PRKCG: variants seen among roughly 807,000 people sequenced by gnomAD.
The protein encoded by PRKCG is protein kinase C gamma, also known as protein kinase C gamma type.
PRKCG carries 28 observed loss-of-function variants against 82.0 expected under a neutral mutation model. That is an observed-to-expected ratio of 0.34 (90% confidence interval 0.25 to 0.47). The LOEUF is 0.47. Among genes scored for constraint, PRKCG ranks in the 20% least tolerant of loss-of-function variants. PRKCG has a pLI of 1.00. For synonymous variants in PRKCG, 383 were observed against 376.6 expected, an observed-to-expected ratio of 1.02 and a Z score of -0.20; for missense variants, 640 against 952.7, an observed-to-expected ratio of 0.67 and a Z score of 4.32.
rs564893244 is a variant in PRKCG at position 53,892,010 on chromosome 19, C to T, written c.686+180C>T. On this transcript the variant is annotated intron_variant, in intron 6 of 17. Transcript: ENST00000263431. The surrounding 1 kb of genome is among the most constrained non-coding windows in gnomAD (Gnocchi z 5.9). ...AGGGAGTGGGATGGAGATACAGAAA[C>T]GGAGAGACAGCCAGACCACTGTATA... Among the ~76,000 whole-genome samples, 6 of 152,174 alleles carry T rather than the reference C, an allele frequency of 3.9e-5. No individual in the cohort carries two copies. The highest frequency in any genetic ancestry group is 1.9e-4 in the East Asian group (1 of 5,166).
upstream of PRKCG, among the ~76,000 whole-genome samples, chr19:53,882,013 G>T (rs1385326854): frequency 6.6e-6 from 1 of 152,148 alleles, no homozygotes; most frequent in East Asian, 1.9e-4. This position sits in a 1 kb window ranked among gnomAD's most constrained non-coding sequence, Gnocchi z 6.1. Flanking sequence ...ATTGCAGGGT[G>T]GTGGGGGGGA....
Position 53,884,183 on chromosome 19 carries a change from A to G in PRKCG, c.225A>G (p.Arg75=). The G allele has an allele frequency of 6.2e-7, 1 of 1,614,072 alleles. No individual in the cohort carries two copies. Among genetic ancestry groups the G allele is most frequent in the Middle Eastern group, 1.7e-4 (1 of 6,050 alleles). The change falls in exon 3 of 18, where the codon CGA becomes CGG. Residue 75 remains arginine (R), a synonymous_variant. Coordinates refer to ENST00000263431, the MANE Select transcript of PRKCG (RefSeq NM_002739.5). This position sits in a 1 kb window ranked among gnomAD's most constrained non-coding sequence, Gnocchi z 4.6. ...QCQVCSFVVH[R]RCHEFVTFEC... ...TAGTCTGCAGCTTTGTGGTTCATCG[A>G]CGATGCCACGAATTTGTGACCTTCG...
At chr19:53,894,032 C>T (rs2068699536) in intron 9 of PRKCG, among the ~76,000 whole-genome samples, 1 of 151,900 alleles carries the variant, frequency 6.6e-6, no homozygotes, top group Admixed American at 6.6e-5. Context: ...GCTGGGATTA[C>T]AGGCATGAGC....
chr19:53,904,594 T>C lies in PRKCG; in HGVS notation c.1657-41T>C, dbSNP rs771162156. On this transcript the variant is annotated intron_variant, in intron 15 of 17. Coordinates refer to ENST00000263431, the MANE Select transcript of PRKCG (RefSeq NM_002739.5). ...GTGTGGAAGGTTTGGGGAAAGGCAG[T>C]TGGGCATGTCCCTGACTCTCTATCC... The C allele has an allele frequency of 4.2e-5, 66 of 1,571,406 alleles. No homozygotes were observed. In the East Asian group the frequency reaches 7.8e-4, roughly 19 times the overall value.
At chr19:53,894,318 G>A (rs998160924) in intron 9 of PRKCG, among the ~76,000 whole-genome samples, 7 of 152,076 alleles carry the variant, frequency 4.6e-5, no homozygotes, top group Non-Finnish European at 8.8e-5. Flanking sequence ...ACCCGCCTCA[G>A]CCTCCCAAAG....
At chr19:53,893,209 T>A in intron 8 of PRKCG, 134 bp downstream of exon 8, 4 of 1,224,850 alleles carry the variant, frequency 3.3e-6, no homozygotes, top group Non-Finnish European at 4.8e-6. Context: ...CTCCCTCCTC[T>A]GCTCTTCTAG....
rs761001595 is a variant in PRKCG at position 53,906,970 on chromosome 19, TCAC to T, written c.*80_*82del. ...CGGCAGCCCCACTTCACCCCCAACT[TCAC>T]CACCCCCTGTCCCATTCTAGATCCT... On this transcript the variant is annotated 3_prime_UTR_variant, in exon 18 of 18. Coordinates refer to ENST00000263431, the MANE Select transcript of PRKCG (RefSeq NM_002739.5). The T allele has an allele frequency of 8.8e-6, 14 of 1,595,382 alleles. No homozygotes were observed. The highest frequency in any genetic ancestry group is 1.7e-4 in the Middle Eastern group (1 of 6,046).
chr19:53,887,577 TC>T (rs2068640682), intron 3 of PRKCG, among the ~76,000 whole-genome samples: 1 of 123,826 alleles, frequency 8.1e-6, no homozygotes, highest in African/African-American at 3.0e-5. Flanking sequence ...ATGCCTGTAA[TC>T]CCAGCTCTTT....
At chr19:53,906,081 C>CTTCTTCTTCTTCTTCTTCTTCTT (rs1568763987) in intron 16 of PRKCG, among the ~76,000 whole-genome samples, 1 of 35,494 alleles carries the variant, frequency 2.8e-5, no homozygotes, top group Admixed American at 2.7e-4. Context: ...TCCTCCTCCT[C>CTTCTTCTTCTTCTTCTTCTTCTT]CTCCTTCTTC....
Position 53,884,098 on chromosome 19 carries a change from G to T in PRKCG, c.203-63G>T. ...GCTCTCTCTTTCCAATTTTCTGTCTGCTGGGGTCTCCCGCTGGACTAATCC... is the reference window on the plus strand; with the variant it reads ...GCTCTCTCTTTCCAATTTTCTGTCTTCTGGGGTCTCCCGCTGGACTAATCC... On this transcript the variant is annotated intron_variant, in intron 2 of 17. Transcript: ENST00000263431. This position sits in a 1 kb window ranked among gnomAD's most constrained non-coding sequence, Gnocchi z 4.6. 1 of 1,522,414 alleles carries T rather than the reference G, an allele frequency of 6.6e-7. No homozygotes were observed. The highest frequency in any genetic ancestry group is 9.1e-7 in the Non-Finnish European group (1 of 1,098,288). The allele number at this position is 1,522,414 out of a possible 1,614,324, so 94.3% of individuals were successfully genotyped here.
intron 3 of PRKCG, among the ~76,000 whole-genome samples, chr19:53,888,546 C>A (rs986482972): frequency 6.5e-4 from 99 of 152,298 alleles, no homozygotes; most frequent in African/African-American, 2.3e-3. Context: ...AATCACACAG[C>A]TGAGAAGCGG....
At chr19:53,885,782 A>G (rs998431845) in intron 3 of PRKCG, among the ~76,000 whole-genome samples, 5 of 152,072 alleles carry the variant, frequency 3.3e-5, no homozygotes, top group Admixed American at 2.0e-4. Context: ...AGAAGATGTG[A>G]CTTCATAGAA....
At position 53,893,032 on chromosome 19, in the gene PRKCG, C is replaced by T. The variant is rs376704133; in HGVS notation, c.866C>T (p.Pro289Leu). The T allele has an allele frequency of 1.9e-6, 3 of 1,614,058 alleles. No individual in the cohort carries two copies. Among genetic ancestry groups the T allele is most frequent in the East Asian group, 4.5e-5 (2 of 44,862 alleles). Residue 289 changes from proline (P) to leucine (L), a missense_variant, in exon 8 of 18, where the codon CCG becomes CTG. Transcript: ENST00000263431. Reference protein sequence around the residue: ...NQEEGEYYNVPVADADNCSLL... With the variant: ...NQEEGEYYNVLVADADNCSLL... ...GAGGAGGGCGAGTATTACAATGTGC[C>T]GGTGGCCGATGCTGACAACTGCAGC...
Position 53,891,874 on chromosome 19 carries a change from T to G in PRKCG, c.686+44T>G. On this transcript the variant is annotated intron_variant, in intron 6 of 17. Transcript: ENST00000263431. ...GAAGGCAATGACAGCTGACAGAGAATGATCTGAGGGTCCTAGTGGCCCCCA... is the reference window on the plus strand; with the variant it reads ...GAAGGCAATGACAGCTGACAGAGAAGGATCTGAGGGTCCTAGTGGCCCCCA... 1.9e-6 allele frequency: 3 copies of G among 1,612,840 alleles called. No homozygotes were observed. The South Asian group carries it at 3.3e-5, about 18-fold the overall frequency.
In PRKCG at chr19:53,884,024, C is replaced by A; in HGVS notation, c.203-137C>A. ...CCTCCGATTTTCTCTCTGTTGGACT[C>A]TCTGTGTTGAGATCCCTCTCTTTCT... is the stretch of plus-strand genomic sequence containing the variant. On this transcript the variant is annotated intron_variant, in intron 2 of 17. Transcript: ENST00000263431. This position sits in a 1 kb window ranked among gnomAD's most constrained non-coding sequence, Gnocchi z 4.6. The A allele has an allele frequency of 1.2e-6, 1 of 822,300 alleles. No homozygotes were observed. Among genetic ancestry groups the A allele is most frequent in the Non-Finnish European group, 2.0e-6 (1 of 491,426 alleles). 50.9% of individuals were successfully genotyped at this position (822,300 alleles called of 1,614,324 possible).
In PRKCG at chr19:53,900,442, T is replaced by C. The variant is rs1266612029; in HGVS notation, c.1397T>C (p.Ile466Thr). 1.2e-5 allele frequency: 20 copies of C among 1,614,042 alleles called. No homozygotes were observed. Among genetic ancestry groups the C allele is most frequent in the Non-Finnish European group, 1.7e-5 (20 of 1,180,034 alleles). The part of the protein sequence containing the change: ...HAAFYAAEIA[I>T]GLFFLHNQGI... ...AGGTTCTACGCGGCAGAAATCGCTATCGGCCTCTTCTTCCTTCACAATCAG... is the reference window on the plus strand; with the variant it reads ...AGGTTCTACGCGGCAGAAATCGCTACCGGCCTCTTCTTCCTTCACAATCAG... Residue 466 changes from isoleucine to threonine, a missense_variant, in exon 13 of 18, where the codon ATC becomes ACC. By Grantham distance (89) the Ile-to-Thr change is moderately conservative (BLOSUM62 -1). Transcript: ENST00000263431. The surrounding 1 kb of genome is among the most constrained non-coding windows in gnomAD (Gnocchi z 4.2).
At chr19:53,903,585 A>T (rs2068780374) in intron 15 of PRKCG, among the ~76,000 whole-genome samples, 3 of 152,216 alleles carry the variant, frequency 2.0e-5, no homozygotes, top group Admixed American at 6.5e-5. Context: ...CACACTCTTG[A>T]TCATCTTCTT....
intron 15 of PRKCG, 74 bp downstream of exon 15, chr19:53,903,227 G>GT: frequency 8.4e-7 from 1 of 1,194,196 alleles, no homozygotes; most frequent in Non-Finnish European, 1.3e-6. Context: ...GGAGGAGCCA[G>GT]TTAGAAAGGA....
intron 5 of PRKCG, among the ~76,000 whole-genome samples, chr19:53,890,836 C>T (rs956837209): frequency 1.3e-5 from 2 of 151,570 alleles, no homozygotes; most frequent in African/African-American, 4.9e-5. Flanking sequence ...ACTGCAACCT[C>T]CGCCTCTCAG....
Sources: allele counts gnomAD v4.1 joint callset (sites outside exome capture counted in the v4.1 genomes callset), GRCh38; gene constraint gnomAD v4.1.1; non-coding constraint Gnocchi (gnomAD v3.1); transcripts MANE v1.5; gene names NCBI Gene and HGNC (gene_info 2026-07-23, HGNC 2026-07-21).